Variants in ZNF608 observed in about 807,000 individuals in gnomAD.
ZNF608 encodes zinc finger protein 608.
In ZNF608, 12 loss-of-function variants were observed where a neutral mutation model predicts 109.0. The ratio of observed to expected loss-of-function variants is 0.11; its 90% CI spans 0.07 to 0.18. The LOEUF (loss-of-function observed/expected upper bound fraction) is 0.18. Among genes scored for constraint, ZNF608 ranks in the 10% least tolerant of loss-of-function variants. ZNF608 has a pLI of 1.00. For missense variants in ZNF608, 1,707 were observed against 1,879.3 expected (o/e 0.91, Z 1.70); for synonymous variants, 732 against 717.4 (o/e 1.02, Z -0.33).
chr5:124,682,182 C>T lies in ZNF608; in HGVS notation c.1162+18832G>A, dbSNP rs554995634. Among the ~76,000 whole-genome samples, 6 of 152,316 alleles carry T rather than the reference C, an allele frequency of 3.9e-5. No homozygotes were observed. The East Asian group carries it at 1.2e-3, about 29-fold the overall frequency. On this transcript the variant is annotated intron_variant, in intron 3 of 9. Transcript: ENST00000513986. ...CCGCCTCCCAGGTTCAAGCGATTCT[C>T]CTACCGCAGCCTCCCCAGTAGCTGG... is the stretch of plus-strand genomic sequence containing the variant.
At chr5:124,705,549 C>T (rs2149856932) in intron 2 of ZNF608, among the ~76,000 whole-genome samples, 1 of 152,312 alleles carries the variant, frequency 6.6e-6, no homozygotes, top group South Asian at 2.1e-4. Flanking sequence ...AGTTCCCTAA[C>T]CCTGCACCCA....
At chr5:124,689,813 G>T (rs189625874) in intron 3 of ZNF608, among the ~76,000 whole-genome samples, 1 of 152,176 alleles carries the variant, frequency 6.6e-6, no homozygotes, top group East Asian at 1.9e-4. Flanking sequence ...AAACAGTCTG[G>T]CAGGTTCTTA....
chr5:124,665,101 A>G (rs13178898), intron 3 of ZNF608, among the ~76,000 whole-genome samples: 45,774 of 151,534 alleles, frequency 0.3, 7,587 homozygotes, highest in African/African-American at 0.44. Context: ...GCTTAAACCC[A>G]GGAGGCGGAG....
At chr5:124,735,515 A>G (rs1749106351) in intron 2 of ZNF608, among the ~76,000 whole-genome samples, 1 of 152,252 alleles carries the variant, frequency 6.6e-6, no homozygotes, top group Non-Finnish European at 1.5e-5. Context: ...GCGACTGATA[A>G]GATAGAAAAC....
intron 2 of ZNF608, chr5:124,734,798 T>G (rs1350429149): frequency 6.6e-6 from 1 of 152,246 alleles, no homozygotes; most frequent in Non-Finnish European, 1.5e-5. Context: ...AAAGTATACT[T>G]AAACTATATT....
intron 3 of ZNF608, among the ~76,000 whole-genome samples, chr5:124,656,402 T>C (rs1270529644): frequency 6.6e-6 from 1 of 152,202 alleles, no homozygotes; most frequent in Non-Finnish European, 1.5e-5. Context: ...TATGTTGGCA[T>C]CACTCTATCT....
chr5:124,733,486 A>G (rs1561591135), intron 2 of ZNF608, among the ~76,000 whole-genome samples: 1 of 152,126 alleles, frequency 6.6e-6, no homozygotes, highest in Non-Finnish European at 1.5e-5. Context: ...CAGTTATGCT[A>G]AGTTGCAAAT....
Position 124,647,208 on chromosome 5 carries a change from A to G in ZNF608, c.3176T>C (p.Leu1059Ser). Residue 1059 changes from leucine to serine, a missense_variant, in exon 5 of 10, where the codon TTA becomes TCA. Leu to Ser is a moderately radical substitution (Grantham distance 145). This residue lies in a region of ZNF608 where 1,073 missense variants were observed against 1,133.5 expected (regional missense o/e 0.95). Transcript: ENST00000513986. ...SKKVDHNSASLQPQHQSVITQ... is the reference protein window; with the variant it reads ...SKKVDHNSASSQPQHQSVITQ... ...GATCACCGACTGGTGCTGAGGCTGT[A>G]AGGATGCAGAATTGTGGTCCACTTT... 6 of 1,614,202 alleles carry G rather than the reference A, an allele frequency of 3.7e-6. No homozygotes were observed. Among genetic ancestry groups the G allele is most frequent in the Non-Finnish European group, 5.1e-6 (6 of 1,180,042 alleles).
chr5:124,737,764 T>C (rs547469377), intron 2 of ZNF608, among the ~76,000 whole-genome samples: 1 of 152,048 alleles, frequency 6.6e-6, no homozygotes, highest in Non-Finnish European at 1.5e-5. Flanking sequence ...ATGCAAGAGG[T>C]TGCATATCCT....
At position 124,701,083 on chromosome 5, in the gene ZNF608, A is replaced by C. The variant is rs558119594; in HGVS notation, c.1093T>G (p.Cys365Gly). The part of the protein sequence containing the change: ...CEVGVVTEPE[C>G]LGPCEPGTSV... ...GTCCCAGGTTCACAGGGCCCAAGAC[A>C]CTCTGGCTCTGTCACTACTCCAACT... The change falls in exon 3 of 10, where the codon TGT (cysteine) becomes GGT (glycine). Residue 365 changes from cysteine (C) to glycine (G), a missense_variant. Around this residue, in one of 7 missense-constraint regions of ZNF608, gnomAD observed 16 missense variants for 37.0 expected, o/e 0.43. Transcript: ENST00000513986. 5.6e-6 allele frequency: 9 copies of C among 1,614,106 alleles called. No homozygotes were observed. Among genetic ancestry groups the C allele is most frequent in the South Asian group, 5.5e-5 (5 of 91,086 alleles).
intron 3 of ZNF608, among the ~76,000 whole-genome samples, chr5:124,653,902 A>G (rs1750898070): frequency 6.6e-6 from 1 of 152,206 alleles, no homozygotes; most frequent in African/African-American, 2.4e-5. Context: ...CTGTTGGTGC[A>G]ACACCCTCAG....
chr5:124,679,213 A>C (rs1045397403), intron 3 of ZNF608, among the ~76,000 whole-genome samples: 2 of 152,236 alleles, frequency 1.3e-5, no homozygotes, highest in Non-Finnish European at 2.9e-5. Flanking sequence ...AACTGGCAGA[A>C]CAGCACGGAC....
chr5:124,748,725 A>G (rs1268255709), upstream of ZNF608: 10 of 265,174 alleles, frequency 3.8e-5, no homozygotes, highest in African/African-American at 2.3e-4. Context: ...GCAAAACAAA[A>G]ATCCCCCTGG....
rs189264326 is a variant in ZNF608, at chr5:124,653,449, T to C, written c.1163-3752A>G. 2.1e-3 allele frequency among the ~76,000 whole-genome samples: 321 copies of C among 152,332 alleles called. 1 individual carries two copies. Among genetic ancestry groups the C allele is most frequent in the African/African-American group, 7.5e-3 (312 of 41,576 alleles). ...CACATTAGGTGCCTATTTAGTGCTA[T>C]GGAATCAACCATGTTTTACTTGGAG... On this transcript the variant is annotated intron_variant, in intron 3 of 9. Coordinates refer to ENST00000513986, the MANE Select transcript of ZNF608 (RefSeq NM_020747.3).
intron 1 of ZNF608, chr5:124,745,963 A>G (rs1403295495): frequency 1.6e-5 from 3 of 185,070 alleles, no homozygotes; most frequent in African/African-American, 4.8e-5. Context: ...AGGTCAGAGA[A>G]TTGCTCACTC....
chr5:124,642,235 A>T (rs1750275092), intron 7 of ZNF608, among the ~76,000 whole-genome samples: 1 of 152,220 alleles, frequency 6.6e-6, no homozygotes, highest in Non-Finnish European at 1.5e-5. Context: ...TCTTCACAAC[A>T]GTCTCTAGGA....
chr5:124,662,030 C>G (rs771444399), intron 3 of ZNF608, among the ~76,000 whole-genome samples: 75 of 152,170 alleles, frequency 4.9e-4, no homozygotes, highest in Non-Finnish European at 9.0e-4. Context: ...CTGGTTATTA[C>G]ATTCTAGAGG....
intron 5 of ZNF608, among the ~76,000 whole-genome samples, chr5:124,645,880 C>T (rs1750475171): frequency 6.6e-6 from 1 of 151,758 alleles, no homozygotes; most frequent in Admixed American, 6.6e-5. Context: ...AAATTTGGGC[C>T]CCAAATTCTA....
rs573456127 is a variant in ZNF608, at chr5:124,730,826, T to C, written c.906+13258A>G. Among the ~76,000 whole-genome samples the C allele has an allele frequency of 5.9e-5, 9 of 152,358 alleles. No homozygotes were observed. The East Asian group carries it at 1.3e-3, about 23-fold the overall frequency. ...CTCAGCACTTACTCTCCATTCTTTATGCTACATGTGAGCACATATTAAACT... is the reference window on the plus strand; with the variant it reads ...CTCAGCACTTACTCTCCATTCTTTACGCTACATGTGAGCACATATTAAACT... On this transcript the variant is annotated intron_variant, in intron 2 of 9. Transcript: ENST00000513986.
Sources: allele counts gnomAD v4.1 joint callset (sites outside exome capture counted in the v4.1 genomes callset), GRCh38; gene constraint gnomAD v4.1.1; regional missense constraint gnomAD v4.1.1; transcripts MANE v1.5; gene names NCBI Gene and HGNC (gene_info 2026-07-23, HGNC 2026-07-21).